REC114: variants seen among roughly 807,000 people sequenced by gnomAD.
The protein encoded by REC114 is REC114 meiotic recombination protein, also known as meiotic recombination protein REC114.
In REC114, 27 loss-of-function variants were observed where a neutral mutation model predicts 31.3. The observed-to-expected ratio is 0.86, with a 90% CI of 0.64 to 1.19. The LOEUF (loss-of-function observed/expected upper bound fraction) is 1.19. Among genes scored for constraint, REC114 ranks in the 50% most tolerant of loss-of-function variants. REC114 has a pLI of 0.00. For synonymous variants in REC114, 134 were observed against 127.7 expected, an observed-to-expected ratio of 1.05 and a Z score of -0.33; for missense variants, 344 against 326.9, an observed-to-expected ratio of 1.05 and a Z score of -0.40.
intron 2 of REC114, among the ~76,000 whole-genome samples, chr15:73,481,017 G>C (rs745786079): frequency 1.3e-5 from 2 of 152,172 alleles, no homozygotes; most frequent in Non-Finnish European, 2.9e-5. Flanking sequence ...GCCATAGAAA[G>C]TTTTAGCCAT....
chr15:73,474,005 T>C (rs1893174546), intron 2 of REC114, 84 bp downstream of exon 2: 4 of 853,138 alleles, frequency 4.7e-6, no homozygotes, highest in Admixed American at 2.3e-5. Context: ...CTCAAGCTTC[T>C]TCAGTCTCAC....
chr15:73,552,818 GTTTC>G (rs1419999582), intron 4 of REC114, among the ~76,000 whole-genome samples: 1 of 151,976 alleles, frequency 6.6e-6, no homozygotes, highest in East Asian at 1.9e-4. Flanking sequence ...TTGTCACTAT[GTTTC>G]TTTTTTTTGA....
At chr15:73,472,179 C>T (rs1271081543) in intron 1 of REC114, among the ~76,000 whole-genome samples, 2 of 152,166 alleles carry the variant, frequency 1.3e-5, no homozygotes, top group African/African-American at 4.8e-5. Flanking sequence ...AATTCATTGA[C>T]CAGACTGTAG....
At chr15:73,502,202 G>T (rs977436250) in intron 2 of REC114, among the ~76,000 whole-genome samples, 1 of 151,516 alleles carries the variant, frequency 6.6e-6, no homozygotes, top group Admixed American at 6.6e-5. Context: ...GATACAGAAT[G>T]TAACATTTGT....
At chr15:73,455,632 T>C (rs1892905083) in intron 1 of REC114, among the ~76,000 whole-genome samples, 1 of 152,214 alleles carries the variant, frequency 6.6e-6, no homozygotes, top group Admixed American at 6.5e-5. Context: ...TTTTATAGAA[T>C]AATATGCTTC....
intron 1 of REC114, among the ~76,000 whole-genome samples, chr15:73,455,084 C>G (rs144040016): frequency 6.6e-6 from 1 of 152,056 alleles, no homozygotes; most frequent in Non-Finnish European, 1.5e-5. Context: ...CCATCCTACC[C>G]GCTGTGATCA....
chr15:73,471,340 GT>G (rs1893129725), intron 1 of REC114, among the ~76,000 whole-genome samples: 1 of 152,126 alleles, frequency 6.6e-6, no homozygotes. Context: ...TGATTCCATG[GT>G]TTAGCCAAAG....
At chr15:73,482,274 A>G (rs1487918038) in intron 2 of REC114, among the ~76,000 whole-genome samples, 3 of 152,140 alleles carry the variant, frequency 2.0e-5, no homozygotes, top group Non-Finnish European at 2.9e-5. Context: ...TCCCTCATGA[A>G]TGGCTTGGTG....
intron 3 of REC114, among the ~76,000 whole-genome samples, chr15:73,545,058 T>C (rs1458357535): frequency 2.0e-5 from 3 of 152,254 alleles, no homozygotes; most frequent in Admixed American, 1.3e-4. Context: ...TATTCATACC[T>C]GTGAGCCAGC....
chr15:73,478,114 A>G (rs1893239460), intron 2 of REC114, among the ~76,000 whole-genome samples: 1 of 151,824 alleles, frequency 6.6e-6, no homozygotes, highest in Admixed American at 6.6e-5. Flanking sequence ...AAATATAAAA[A>G]CTAGCCTGGT....
At chr15:73,551,264 T>C (rs183139763) in intron 4 of REC114, 114 bp downstream of exon 4, 34 of 1,065,130 alleles carry the variant, frequency 3.2e-5, no homozygotes, top group Non-Finnish European at 4.5e-5. Flanking sequence ...TTAAAAAACA[T>C]CTATGTTCGG....
chr15:73,488,353 C>T (rs576490677), intron 2 of REC114, among the ~76,000 whole-genome samples: 2 of 152,310 alleles, frequency 1.3e-5, no homozygotes, highest in South Asian at 4.1e-4. Context: ...CTTCCAAACA[C>T]TCTTTTATAT....
At chr15:73,449,553 C>A (rs1892815745) in intron 1 of REC114, among the ~76,000 whole-genome samples, 1 of 152,078 alleles carries the variant, frequency 6.6e-6, no homozygotes, top group African/African-American at 2.4e-5. Context: ...GAGAATGGAA[C>A]CAAGTTGGAA....
At chr15:73,485,275 G>A (rs985076441) in intron 2 of REC114, among the ~76,000 whole-genome samples, 1 of 152,032 alleles carries the variant, frequency 6.6e-6, no homozygotes, top group Non-Finnish European at 1.5e-5. Flanking sequence ...GTAGAGACAG[G>A]GTTTCACCGT....
At chr15:73,550,396 T>G (rs977276064) in intron 3 of REC114, among the ~76,000 whole-genome samples, 39 of 152,218 alleles carry the variant, frequency 2.6e-4, no homozygotes, top group African/African-American at 8.7e-4. Flanking sequence ...TATGGTAGTC[T>G]GGCCTCTTTA....
intron 2 of REC114, among the ~76,000 whole-genome samples, chr15:73,492,522 A>C (rs914344478): frequency 3.9e-5 from 6 of 152,192 alleles, no homozygotes; most frequent in African/African-American, 1.4e-4. Context: ...TTAATGAGTT[A>C]TAGGGCAGCG....
chr15:73,476,128 A>G (rs1209174839), intron 2 of REC114, among the ~76,000 whole-genome samples: 1 of 152,184 alleles, frequency 6.6e-6, no homozygotes, highest in African/African-American at 2.4e-5. Flanking sequence ...TGACAAGATC[A>G]CCTAATGACA....
intron 1 of REC114, among the ~76,000 whole-genome samples, chr15:73,448,157 C>T (rs1347268377): frequency 1.3e-5 from 2 of 151,982 alleles, no homozygotes; most frequent in Admixed American, 1.3e-4. Context: ...GAACTGTTCA[C>T]TCCCCTGAAA....
At chr15:73,459,512 A>G (rs894282818) in intron 1 of REC114, among the ~76,000 whole-genome samples, 19 of 152,148 alleles carry the variant, frequency 1.2e-4, no homozygotes, top group African/African-American at 4.6e-4. Flanking sequence ...GATTACAGGC[A>G]TGAGCCACCG....
Sources: gnomAD v4.1 joint callset for allele counts (sites outside exome capture counted in the v4.1 genomes callset) on GRCh38, gnomAD v4.1.1 for gene constraint, MANE v1.5 for transcripts, NCBI Gene and HGNC (gene_info 2026-07-23, HGNC 2026-07-21) for gene names.